Variants in OR13C9 observed in about 807,000 individuals in gnomAD.
The protein encoded by OR13C9 is olfactory receptor family 13 subfamily C member 9.
For synonymous variants in OR13C9, 133 were observed against 134.9 expected (o/e 0.99, Z 0.10); for missense variants, 368 against 382.2 (o/e 0.96, Z 0.31).
Position 104,617,951 on chromosome 9 carries a change from A to C in OR13C9, c.254T>G (p.Phe85Cys). ...TTSIPSTLVS[F>C]LSERKTISFS... is the part of the protein sequence containing the mutation. ...GGAAATGGTCTTTCTTTCTGAAAGGAAGCTCACTAGTGTGGAGGGAATAGA... is the reference window on the plus strand; with the variant it reads ...GGAAATGGTCTTTCTTTCTGAAAGGCAGCTCACTAGTGTGGAGGGAATAGA... The change falls in exon 1 of 1, where the codon TTC (phenylalanine) becomes TGC (cysteine). Residue 85 changes from phenylalanine to cysteine, a missense_variant. Coordinates refer to ENST00000259362, the MANE Select transcript of OR13C9 (RefSeq NM_001001956.1). 1 of 1,614,074 alleles carries C rather than the reference A, an allele frequency of 6.2e-7. No homozygotes were observed. Among genetic ancestry groups the C allele is most frequent in the Non-Finnish European group, 8.5e-7 (1 of 1,180,006 alleles).
In OR13C9 at chr9:104,618,036, T is replaced by C. The variant is rs1434487639; in HGVS notation, c.169A>G (p.Thr57Ala). Residue 57 changes from threonine (T) to alanine (A), a missense_variant, in exon 1 of 1, where the codon ACC (threonine) becomes GCC (alanine). Coordinates refer to ENST00000259362, the MANE Select transcript of OR13C9 (RefSeq NM_001001956.1). Reference protein sequence around the residue: ...LISILDPHLHTPMYFFLGNLS... With the variant: ...LISILDPHLHAPMYFFLGNLS... ...TTCCCCAGAAAGAAGTACATAGGGG[T>C]GTGAAGGTGAGGGTCCAAGATGCTG... 6.2e-7 allele frequency: 1 copy of C among 1,613,536 alleles called. No homozygotes were observed. Among genetic ancestry groups the C allele is most frequent in the Non-Finnish European group, 8.5e-7 (1 of 1,179,860 alleles).
Position 104,617,624 on chromosome 9 carries a change from C to T in OR13C9, c.581G>A (p.Gly194Asp), listed in dbSNP as rs551806190. ...VMKLACADIS[G>D]NEFLMLVATI... ...GGCCACAAGCATGAGGAACTCATTG[C>T]CTGAGATGTCAGCACAGGCCAACTT... The change falls in exon 1 of 1, where the codon GGC (glycine) becomes GAC (aspartate). Residue 194 changes from glycine to aspartate, a missense_variant. By Grantham distance (94) the Gly-to-Asp change is moderately conservative (BLOSUM62 -1). Transcript: ENST00000259362. 3.0e-5 allele frequency: 49 copies of T among 1,613,864 alleles called. No homozygotes were observed. The Admixed American group carries it at 4.0e-4, about 13-fold the overall frequency.
Position 104,617,727 on chromosome 9 carries a change from T to A in OR13C9, c.478A>T (p.Thr160Ser). The A allele has an allele frequency of 6.2e-7, 1 of 1,613,912 alleles. No individual in the cohort carries two copies. Among genetic ancestry groups the A allele is most frequent in the Non-Finnish European group, 8.5e-7 (1 of 1,179,950 alleles). The change falls in exon 1 of 1, where the codon ACT (threonine) becomes TCT (serine). Residue 160 changes from threonine (T) to serine (S), a missense_variant. Thr to Ser is a moderately conservative substitution (Grantham distance 58, BLOSUM62 1). Coordinates refer to ENST00000259362, the MANE Select transcript of OR13C9 (RefSeq NM_001001956.1). Reference protein sequence around the residue: ...FAGIVNSAVQTTFVVQLPFCR... With the variant: ...FAGIVNSAVQSTFVVQLPFCR... Reference sequence around the variant, plus strand: ...AAAGGCAATTGTACTACAAATGTAGTTTGTACTGCAGAGTTGACAATCCCT... The same window carrying A: ...AAAGGCAATTGTACTACAAATGTAGATTGTACTGCAGAGTTGACAATCCCT...
chr9:104,618,161 T>C lies in OR13C9; in HGVS notation c.44A>G (p.Lys15Arg), dbSNP rs765499343. The stretch of plus-strand genomic sequence containing the variant: ...AAGCCTTGGGTGAACAGAATGTCCC[T>C]TCAGAAAAAATTCCACCAGAATGGT... ...NQTILVEFFL[K>R]GHSVHPRLEL... The change falls in exon 1 of 1, where the codon AAG becomes AGG. Residue 15 changes from lysine to arginine, a missense_variant. Physicochemically the swap from Lys to Arg is conservative, Grantham distance 26. Coordinates refer to ENST00000259362, the MANE Select transcript of OR13C9 (RefSeq NM_001001956.1). 2 of 1,613,586 alleles carry C rather than the reference T, an allele frequency of 1.2e-6. No individual in the cohort carries two copies. The highest frequency in any genetic ancestry group is 1.7e-6 in the Non-Finnish European group (2 of 1,179,718).
rs747342709 is a variant in OR13C9, at chr9:104,618,026, T to C, written c.179A>G (p.Tyr60Cys). 7 of 1,613,778 alleles carry C rather than the reference T, an allele frequency of 4.3e-6. No homozygotes were observed. The highest frequency in any genetic ancestry group is 1.1e-5 in the South Asian group (1 of 91,060). Residue 60 changes from tyrosine (Y) to cysteine (C), a missense_variant, in exon 1 of 1, where the codon TAC becomes TGC. Coordinates refer to ENST00000259362, the MANE Select transcript of OR13C9 (RefSeq NM_001001956.1). ...GAAGGAGAGGTTCCCCAGAAAGAAG[T>C]ACATAGGGGTGTGAAGGTGAGGGTC... is the stretch of plus-strand genomic sequence containing the variant. ...ILDPHLHTPM[Y>C]FFLGNLSFLD...
Sources: gnomAD v4.1 joint callset for allele counts on GRCh38, gnomAD v4.1.1 for gene constraint, MANE v1.5 for transcripts, NCBI Gene and HGNC (gene_info 2026-07-23, HGNC 2026-07-21) for gene names.